PRMT1: variants seen among roughly 807,000 people sequenced by gnomAD.
PRMT1 encodes the protein protein arginine methyltransferase 1, also known as protein arginine N-methyltransferase 1.
PRMT1 carries 5 observed loss-of-function variants against 47.4 expected under a neutral mutation model. The observed-to-expected ratio is 0.11, with a 90% CI of 0.06 to 0.22. The LOEUF is 0.22. PRMT1 is among the 10% of genes least tolerant of loss of function. The probability of loss-of-function intolerance (pLI) is 1.00; values close to 1 mark genes in which losing one functional copy is unlikely to be tolerated. For missense variants in PRMT1, 249 were observed against 518.4 expected, an observed-to-expected ratio of 0.48 and a Z score of 5.05; for synonymous variants, 227 against 204.6, an observed-to-expected ratio of 1.11 and a Z score of -0.94.
chr19:49,682,074 C>G lies in PRMT1; in HGVS notation c.348+9C>G. ...CCCGCAAGGTCATCGGGGTGAGTCT[C>G]CAGGGTGGCCAGGCGGGGCCGGGCC... is the stretch of plus-strand genomic sequence containing the variant. On this transcript the variant is annotated intron_variant, in intron 4 of 10. Coordinates refer to ENST00000454376, the MANE Select transcript of PRMT1 (RefSeq NM_001536.6). The G allele has an allele frequency of 6.2e-7, 1 of 1,613,910 alleles. No homozygotes were observed. Among genetic ancestry groups the G allele is most frequent in the Admixed American group, 1.7e-5 (1 of 60,012 alleles).
Position 49,688,151 on chromosome 19 carries a change from T to C in PRMT1, c.1033-11T>C. 1 of 1,611,936 alleles carries C rather than the reference T, an allele frequency of 6.2e-7. No homozygotes were observed. The highest frequency in any genetic ancestry group is 8.5e-7 in the Non-Finnish European group (1 of 1,179,486). ...GTGGGTTCCGCCCTCATGCCCCACC[T>C]CTCCCTGCAGCGGGACCTGGACTTC... On this transcript the variant is annotated splice_polypyrimidine_tract_variant and intron_variant, in intron 10 of 10. Transcript: ENST00000454376. This position sits in a 1 kb window ranked among gnomAD's most constrained non-coding sequence, Gnocchi z 5.3.
chr19:49,680,101 C>T lies in PRMT1; in HGVS notation c.90+176C>T. 1.8e-6 allele frequency: 2 copies of T among 1,104,524 alleles called. No homozygotes were observed. The highest frequency in any genetic ancestry group is 2.7e-6 in the Non-Finnish European group (2 of 745,214). The allele number at this position is 1,104,524 out of a possible 1,614,324, so 68.4% of individuals were successfully genotyped here. A position where few individuals can be genotyped will look rare whatever the true frequency, so the allele number is the denominator to read the frequency against. ...CAGGTTCACAGCCCCCGCTGGCCTC[C>T]CCCAGTATCGCCGCTACTTCCTTAA... On this transcript the variant is annotated intron_variant, in intron 2 of 10. Transcript: ENST00000454376. This position sits in a 1 kb window ranked among gnomAD's most constrained non-coding sequence, Gnocchi z 4.2.
In PRMT1 at chr19:49,684,872, G is replaced by A. The variant is rs1317826229; in HGVS notation, c.643+31G>A. 4 of 1,610,612 alleles carry A rather than the reference G, an allele frequency of 2.5e-6. No individual in the cohort carries two copies. In the African/African-American group the frequency reaches 4.0e-5, roughly 16 times the overall value. ...CGCGGCCCGGGAGCTGGCGGGCGGG[G>A]CCTCGGGTGGGCTGCTGCGGGCTCA... is the stretch of plus-strand genomic sequence containing the variant. On this transcript the variant is annotated intron_variant, in intron 7 of 10. Transcript: ENST00000454376. The surrounding 1 kb of genome is among the most constrained non-coding windows in gnomAD (Gnocchi z 6.2).
chr19:49,686,076 CCT>C lies in PRMT1; in HGVS notation c.760-13_760-12del. On this transcript the variant is annotated splice_polypyrimidine_tract_variant and intron_variant, in intron 8 of 10. Coordinates refer to ENST00000454376, the MANE Select transcript of PRMT1 (RefSeq NM_001536.6). Reference sequence around the variant, plus strand: ...GGTGGGGACGCATCCCGGAGCTCGCCCTCTCATGTCCTGCAGGAGGTGGACAT... The same window carrying C: ...GGTGGGGACGCATCCCGGAGCTCGCCCTCATGTCCTGCAGGAGGTGGACAT... 4 of 1,609,190 alleles carry C rather than the reference CCT, an allele frequency of 2.5e-6. No homozygotes were observed. The highest frequency in any genetic ancestry group is 3.4e-6 in the Non-Finnish European group (4 of 1,177,412).
rs141919954 is a variant in PRMT1 at position 49,686,784 on chromosome 19, G to T, written c.1032+58G>T. 161 of 1,052,940 alleles carry T rather than the reference G, an allele frequency of 1.5e-4. 1 individual carries two copies. The highest frequency in any genetic ancestry group is 9.6e-4 in the South Asian group (52 of 54,086). 65.2% of individuals were successfully genotyped at this position (1,052,940 alleles called of 1,614,324 possible). A position where few individuals can be genotyped will look rare whatever the true frequency, so the allele number is the denominator to read the frequency against. ...CAGCTAGGGCGGGGAGTGTAGATTG[G>T]GGGGGGAGTGGTGGGGGAGGAATGG... On this transcript the variant is annotated intron_variant, in intron 10 of 10. Coordinates refer to ENST00000454376, the MANE Select transcript of PRMT1 (RefSeq NM_001536.6).
In PRMT1 at chr19:49,679,689, C is replaced by T. The variant is rs2082086730; in HGVS notation, c.37-183C>T. Reference sequence around the variant, plus strand: ...GGATAGGAGACCCCCCTTTCTTCTCCCCTCACTTTTCCCACCCTTTCTTAA... The same window carrying T: ...GGATAGGAGACCCCCCTTTCTTCTCTCCTCACTTTTCCCACCCTTTCTTAA... On this transcript the variant is annotated intron_variant, in intron 1 of 10. Coordinates refer to ENST00000454376, the MANE Select transcript of PRMT1 (RefSeq NM_001536.6). 11 of 667,038 alleles carry T rather than the reference C, an allele frequency of 1.6e-5. No individual in the cohort carries two copies. The Admixed American group carries it at 2.3e-4, about 14-fold the overall frequency. 41.3% of individuals were successfully genotyped at this position (667,038 alleles called of 1,614,324 possible).
At chr19:49,687,390 C>T (rs974990402) in intron 10 of PRMT1, among the ~76,000 whole-genome samples, 3 of 151,858 alleles carry the variant, frequency 2.0e-5, no homozygotes, top group African/African-American at 4.8e-5. Flanking sequence ...AAGTGGGTCC[C>T]GGCCGATGGG....
rs548904412 is a variant in PRMT1, at chr19:49,684,483, T to C, written c.556-271T>C. ...GAGGGGTGACAGGGCGTGTGCAGAT[T>C]TTGTGGAGGCTTATGGGACCCCGTG... On this transcript the variant is annotated intron_variant, in intron 6 of 10. Coordinates refer to ENST00000454376, the MANE Select transcript of PRMT1 (RefSeq NM_001536.6). This position sits in a 1 kb window ranked among gnomAD's most constrained non-coding sequence, Gnocchi z 6.2. Among the ~76,000 whole-genome samples the C allele has an allele frequency of 6.6e-6, 1 of 151,710 alleles. No individual in the cohort carries two copies. Among genetic ancestry groups the C allele is most frequent in the East Asian group, 2.0e-4 (1 of 5,126 alleles).
rs2082244429 is a variant in PRMT1, at chr19:49,688,419, G to T, written c.*174G>T. ...TCATAACTTATGTTTTTATATGGTT[G>T]CATTTACGCCAATAAATCCTCAGCT... On this transcript the variant is annotated 3_prime_UTR_variant, in exon 11 of 11. Coordinates refer to ENST00000454376, the MANE Select transcript of PRMT1 (RefSeq NM_001536.6). The surrounding 1 kb of genome is among the most constrained non-coding windows in gnomAD (Gnocchi z 5.3). 4.7e-6 allele frequency: 3 copies of T among 636,110 alleles called. No individual in the cohort carries two copies. The highest frequency in any genetic ancestry group is 5.5e-6 in the Non-Finnish European group (2 of 363,196). The allele number at this position is 636,110 out of a possible 1,614,324, so 39.4% of individuals were successfully genotyped here. A position where few individuals can be genotyped will look rare whatever the true frequency, so the allele number is the denominator to read the frequency against.
At position 49,684,900 on chromosome 19, in the gene PRMT1, C is replaced by T. The variant is rs555215798; in HGVS notation, c.644-22C>T. On this transcript the variant is annotated intron_variant, in intron 7 of 10. Transcript: ENST00000454376. This position sits in a 1 kb window ranked among gnomAD's most constrained non-coding sequence, Gnocchi z 6.2. ...TCGGGTGGGCTGCTGCGGGCTCACC[C>T]CCTCCCTGCCTGCCTCCCCAGGGTG... 775 of 1,604,676 alleles carry T rather than the reference C, an allele frequency of 4.8e-4. 9 individuals are homozygous for T. In the South Asian group the frequency reaches 8.0e-3, roughly 17 times the overall value.
At chr19:49,682,334 C>T in intron 5 of PRMT1, 75 bp downstream of exon 5, 1 of 1,488,496 alleles carries the variant, frequency 6.7e-7, no homozygotes, top group Non-Finnish European at 9.3e-7. Context: ...CTCTGAAGAG[C>T]AGTGGGGTCT....
At chr19:49,679,449 C>T (rs1363253567) in intron 1 of PRMT1, 3 of 469,002 alleles carry the variant, frequency 6.4e-6, no homozygotes, top group South Asian at 1.6e-5. Flanking sequence ...ATCCTGCCAG[C>T]CCCGCTCCCT....
Position 49,680,393 on chromosome 19 carries a change from A to C in PRMT1, c.91-94A>C, listed in dbSNP as rs1006657777. On this transcript the variant is annotated intron_variant, in intron 2 of 10. Transcript: ENST00000454376. The surrounding 1 kb of genome is among the most constrained non-coding windows in gnomAD (Gnocchi z 4.2). ...GTCATGGTATGATTTTGGGGGTTCT[A>C]TACTACTCTTCAGGGAAAAGTAGGG... is the stretch of plus-strand genomic sequence containing the variant. 3.2e-5 allele frequency: 38 copies of C among 1,188,594 alleles called. No homozygotes were observed. Among genetic ancestry groups the C allele is most frequent in the Non-Finnish European group, 4.1e-5 (33 of 801,666 alleles). 73.6% of individuals were successfully genotyped at this position (1,188,594 alleles called of 1,614,324 possible).
upstream of PRMT1, chr19:49,677,252 G>A: frequency 7.0e-7 from 1 of 1,418,484 alleles, no homozygotes; most frequent in Non-Finnish European, 9.2e-7. Flanking sequence ...GGGTCTTGGC[G>A]GCCGGAGGAG....
chr19:49,677,052 G>A (rs118189612), upstream of PRMT1: 3,247 of 403,372 alleles, frequency 8.0e-3, 30 homozygotes, highest in Non-Finnish European at 0.01. Context: ...GTCGACTTGA[G>A]GGGGCGGGAT....
upstream of PRMT1, among the ~76,000 whole-genome samples, chr19:49,676,776 C>A (rs1235203537): frequency 6.6e-6 from 1 of 152,196 alleles, no homozygotes; most frequent in Non-Finnish European, 1.5e-5. Flanking sequence ...TACCCGTGGG[C>A]CAATTGCCGT....
In PRMT1 at chr19:49,684,110, G is replaced by A. The variant is rs1599946932; in HGVS notation, c.555+41G>A. On this transcript the variant is annotated intron_variant, in intron 6 of 10. Transcript: ENST00000454376. This position sits in a 1 kb window ranked among gnomAD's most constrained non-coding sequence, Gnocchi z 6.2. The stretch of plus-strand genomic sequence containing the variant: ...GACGGGTGCAGCTCGCGTGGGCTGG[G>A]GTCCAGGTAGAAGACGAAAACCACG... The A allele has an allele frequency of 1.2e-6, 2 of 1,610,070 alleles. No homozygotes were observed. Among genetic ancestry groups the A allele is most frequent in the Non-Finnish European group, 1.7e-6 (2 of 1,177,132 alleles).
chr19:49,684,679 G>A lies in PRMT1; in HGVS notation c.556-75G>A, dbSNP rs1040829154. On this transcript the variant is annotated intron_variant, in intron 6 of 10. Transcript: ENST00000454376. This position sits in a 1 kb window ranked among gnomAD's most constrained non-coding sequence, Gnocchi z 6.2. ...AGGGTGGCCCAGACCAGGGCAGGAGGCCACATCTTGGAGGCAAGACTCAGG... is the reference window on the plus strand; with the variant it reads ...AGGGTGGCCCAGACCAGGGCAGGAGACCACATCTTGGAGGCAAGACTCAGG... 1.4e-6 allele frequency: 2 copies of A among 1,469,288 alleles called. No homozygotes were observed. Among genetic ancestry groups the A allele is most frequent in the African/African-American group, 2.8e-5 (2 of 71,194 alleles). The allele number at this position is 1,469,288 out of a possible 1,614,324, so 91.0% of individuals were successfully genotyped here.
intron 9 of PRMT1, 25 bp downstream of exon 9, chr19:49,686,268 G>T: frequency 1.9e-6 from 3 of 1,569,582 alleles, no homozygotes; most frequent in Non-Finnish European, 1.7e-6. Flanking sequence ...ACAGGGCTGG[G>T]GGCCGTTCCC....
Sources: allele counts gnomAD v4.1 joint callset (sites outside exome capture counted in the v4.1 genomes callset), GRCh38; gene constraint gnomAD v4.1.1; non-coding constraint Gnocchi (gnomAD v3.1); transcripts MANE v1.5; gene names NCBI Gene and HGNC (gene_info 2026-07-23, HGNC 2026-07-21).